SEMA5B: variants seen among roughly 807,000 people sequenced by gnomAD.
SEMA5B encodes semaphorin-5B.
A neutral mutation model predicts 135.0 loss-of-function variants in SEMA5B; 66 were observed. The observed-to-expected ratio is 0.49, with a 90% CI of 0.40 to 0.60. SEMA5B has a LOEUF of 0.60. SEMA5B is among the 20% of genes least tolerant of loss of function. SEMA5B has a pLI of 0.00. For missense variants in SEMA5B, 1,501 were observed against 1,566.3 expected (o/e 0.96, Z 0.70); for synonymous variants, 690 against 639.5 (o/e 1.08, Z -1.19).
At chr3:122,915,711 G>A in intron 13 of SEMA5B, 62 bp downstream of exon 13, 2 of 1,602,706 alleles carry the variant, frequency 1.2e-6, no homozygotes, top group Admixed American at 3.3e-5. Context: ...GAATATTGGT[G>A]GGGAGTCATA....
At chr3:122,963,454 T>C (rs1560373202) in intron 1 of SEMA5B, among the ~76,000 whole-genome samples, 1 of 149,306 alleles carries the variant, frequency 6.7e-6, no homozygotes, top group Non-Finnish European at 1.5e-5. Flanking sequence ...GATTGTGCCA[T>C]TGCACTCCAG....
chr3:122,912,310 A>G lies in SEMA5B; in HGVS notation c.2758T>C (p.Ser920Pro). The change falls in exon 19 of 23, where the codon TCT becomes CCT. Residue 920 changes from serine (S) to proline (P), a missense_variant. Around this residue, in one of 2 missense-constraint regions of SEMA5B, gnomAD observed 927 missense variants for 881.6 expected, o/e 1.05. Transcript: ENST00000357599. ...CCACCACAGGAAGCTGAGCATGGAG[A>G]CCATGAGGTCCAGCAGGACCAAGCA... ...RGAWSCWTSW[S>P]PCSASCGGGH... 2.5e-6 allele frequency: 4 copies of G among 1,609,940 alleles called. No homozygotes were observed. Among genetic ancestry groups the G allele is most frequent in the Non-Finnish European group, 3.4e-6 (4 of 1,178,086 alleles).
At chr3:122,927,611 C>A (rs910074955) in intron 8 of SEMA5B, among the ~76,000 whole-genome samples, 179 bp downstream of exon 8, 1 of 152,204 alleles carries the variant, frequency 6.6e-6, no homozygotes, top group African/African-American at 2.4e-5. Flanking sequence ...GTGATTTCGT[C>A]TGGGGCCCAT....
chr3:123,023,519 T>A (rs555693392), intron 1 of SEMA5B, among the ~76,000 whole-genome samples: 2 of 152,266 alleles, frequency 1.3e-5, no homozygotes, highest in South Asian at 4.1e-4. Context: ...TGGCTTTGCA[T>A]CTATTTACAC....
chr3:122,933,043 G>A (rs1054724588), intron 5 of SEMA5B, among the ~76,000 whole-genome samples: 1 of 152,048 alleles, frequency 6.6e-6, no homozygotes, highest in Non-Finnish European at 1.5e-5. Context: ...CTTACTGCAT[G>A]CACAAATGAT....
At chr3:122,933,180 T>C (rs1939070345) in intron 5 of SEMA5B, among the ~76,000 whole-genome samples, 1 of 152,012 alleles carries the variant, frequency 6.6e-6, no homozygotes, top group African/African-American at 2.4e-5. Flanking sequence ...TTTCCTCTCC[T>C]GCTTTCCGAA....
chr3:122,919,025 A>G (rs911312622), intron 12 of SEMA5B, among the ~76,000 whole-genome samples: 3 of 123,074 alleles, frequency 2.4e-5, no homozygotes, highest in African/African-American at 6.2e-5. Context: ...TTTTACTGCA[A>G]TGTCTCAAGC....
chr3:122,959,173 A>G (rs749290652), intron 2 of SEMA5B, among the ~76,000 whole-genome samples: 2 of 152,216 alleles, frequency 1.3e-5, no homozygotes, highest in African/African-American at 4.8e-5. Flanking sequence ...GTTATTGTGT[A>G]CCCAGAAGTG....
In SEMA5B at chr3:122,983,585, G is replaced by A. The variant is rs145366914; in HGVS notation, c.-38-22284C>T. ...CTTGACTTGGGTGATGATGTAAAGA[G>A]CTGGCGCCTGTAGTCCCAGCTACTC... On this transcript the variant is annotated intron_variant, in intron 1 of 22. Transcript: ENST00000357599. 4.4e-3 allele frequency among the ~76,000 whole-genome samples: 663 copies of A among 152,006 alleles called. 4 individuals are homozygous for A. Among genetic ancestry groups the A allele is most frequent in the African/African-American group, 0.015 (636 of 41,456 alleles).
intron 5 of SEMA5B, among the ~76,000 whole-genome samples, chr3:122,933,143 T>C (rs1939069037): frequency 6.6e-6 from 1 of 152,040 alleles, no homozygotes; most frequent in African/African-American, 2.4e-5. Context: ...GGCCTCCTGC[T>C]TGACTGTTAG....
chr3:122,944,776 C>T (rs1939711247), intron 3 of SEMA5B, among the ~76,000 whole-genome samples: 1 of 152,230 alleles, frequency 6.6e-6, no homozygotes, highest in African/African-American at 2.4e-5. Flanking sequence ...TGGAGACACA[C>T]TTCTCCCTTC....
intron 1 of SEMA5B, among the ~76,000 whole-genome samples, chr3:122,971,959 A>G (rs1286688404): frequency 6.6e-6 from 1 of 152,212 alleles, no homozygotes; most frequent in Non-Finnish European, 1.5e-5. Flanking sequence ...TTCTTCACAG[A>G]CTTGTGAAGG....
intron 1 of SEMA5B, among the ~76,000 whole-genome samples, chr3:122,978,732 A>G (rs1328726453): frequency 6.6e-6 from 1 of 152,176 alleles, no homozygotes; most frequent in African/African-American, 2.4e-5. Flanking sequence ...CAGAAGAGGC[A>G]TTCATCCTCA....
Position 122,937,385 on chromosome 3 carries a change from G to C in SEMA5B, c.474+2040C>G, listed in dbSNP as rs187256098. ...CCGGGCACTGAAGACCAGAGGCCAAGGTCTGCTCCAGGGGACACTGGATGG... is the reference window on the plus strand; with the variant it reads ...CCGGGCACTGAAGACCAGAGGCCAACGTCTGCTCCAGGGGACACTGGATGG... On this transcript the variant is annotated intron_variant, in intron 5 of 22. Coordinates refer to ENST00000357599, the MANE Select transcript of SEMA5B (RefSeq NM_001031702.4). 3.3e-5 allele frequency among the ~76,000 whole-genome samples: 5 copies of C among 152,336 alleles called. No individual in the cohort carries two copies. The East Asian group carries it at 9.6e-4, about 29-fold the overall frequency.
intron 14 of SEMA5B, 80 bp downstream of exon 14, chr3:122,915,360 C>G: frequency 7.1e-7 from 1 of 1,416,784 alleles, no homozygotes; most frequent in Non-Finnish European, 9.6e-7. Context: ...GTGCAAACAC[C>G]CAAGTGAGGG....
chr3:122,997,518 T>TCCCCCC (rs1553785271), intron 1 of SEMA5B, among the ~76,000 whole-genome samples: 17 of 142,868 alleles, frequency 1.2e-4, no homozygotes, highest in South Asian at 7.0e-4. Context: ...CCCAGGCCTC[T>TCCCCCC]CCCCCCCCCG....
chr3:122,943,456 G>A lies in SEMA5B; in HGVS notation c.408C>T (p.Asn136=), dbSNP rs1373953110. 6.2e-7 allele frequency: 1 copy of A among 1,607,604 alleles called. No homozygotes were observed. Among genetic ancestry groups the A allele is most frequent in the Admixed American group, 1.7e-5 (1 of 58,924 alleles). ...GTTACCTGGCTCCCACGATGAGCTG[G>A]TTCCCGGAGGGGTCCAAAGCCAGCT... ...FSQLALDPSG[N]QLIVGARNYL... is the part of the protein sequence containing the mutation. Residue 136 remains asparagine (N), a synonymous_variant, in exon 4 of 23, where the codon AAC becomes AAT. Transcript: ENST00000357599.
chr3:122,966,863 C>CTATTATTAT (rs755147289), intron 1 of SEMA5B, among the ~76,000 whole-genome samples: 30 of 77,758 alleles, frequency 3.9e-4, no homozygotes, highest in African/African-American at 6.0e-4. Flanking sequence ...CGGCCTATTA[C>CTATTATTAT]TATTATTATT....
At chr3:122,982,366 T>A (rs989928451) in intron 1 of SEMA5B, among the ~76,000 whole-genome samples, 1 of 152,200 alleles carries the variant, frequency 6.6e-6, no homozygotes, top group Non-Finnish European at 1.5e-5. Flanking sequence ...CTAGCCTTGA[T>A]CCCTGGGGAG....
Sources: gnomAD v4.1 joint callset for allele counts (sites outside exome capture counted in the v4.1 genomes callset) on GRCh38, gnomAD v4.1.1 for gene constraint, gnomAD v4.1.1 regional missense constraint, MANE v1.5 for transcripts, NCBI Gene and HGNC (gene_info 2026-07-23, HGNC 2026-07-21) for gene names.